MFAP1: variants seen among roughly 807,000 people sequenced by gnomAD.
MFAP1 encodes microfibril associated protein 1.
In MFAP1, 18 loss-of-function variants were observed where a neutral mutation model predicts 62.2. That is an observed-to-expected ratio of 0.29 (90% CI 0.20 to 0.43). MFAP1 has a LOEUF of 0.43. Among genes scored for constraint, MFAP1 ranks in the 20% least tolerant of loss-of-function variants. The pLI, the probability that MFAP1 is intolerant of heterozygous loss-of-function variation, is 1.00. For synonymous variants in MFAP1, 175 were observed against 180.4 expected (o/e 0.97, Z 0.24); for missense variants, 355 against 559.7 (o/e 0.63, Z 3.69).
In MFAP1 at chr15:43,814,497, T is replaced by G; in HGVS notation, c.617+4A>C. 6.2e-7 allele frequency: 1 copy of G among 1,603,906 alleles called. No homozygotes were observed. The highest frequency in any genetic ancestry group is 8.5e-7 in the Non-Finnish European group (1 of 1,174,004). On this transcript the variant is annotated splice_donor_region_variant and intron_variant, in intron 4 of 8. Coordinates refer to ENST00000267812, the MANE Select transcript of MFAP1 (RefSeq NM_005926.3). ...GATTCAGATCTGGCTTGTGAGATAC[T>G]TACTTTCGAATGAAGACTGGCTTAA...
At chr15:43,805,701 C>A (rs1273265031) in intron 7 of MFAP1, among the ~76,000 whole-genome samples, 1 of 151,922 alleles carries the variant, frequency 6.6e-6, no homozygotes, top group Non-Finnish European at 1.5e-5. Context: ...CAACCTCCGT[C>A]TCCCAGGTTC....
At position 43,815,054 on chromosome 15, in the gene MFAP1, A is replaced by G. The variant is rs775780433; in HGVS notation, c.320T>C (p.Ile107Thr). The G allele has an allele frequency of 6.2e-7, 1 of 1,614,006 alleles. No individual in the cohort carries two copies. Among genetic ancestry groups the G allele is most frequent in the Non-Finnish European group, 8.5e-7 (1 of 1,180,016 alleles). ...VEERLARHRK[I>T]VEPEVVGESD... ...CTCTCCTACCACTTCAGGTTCCACT[A>G]TTTTTCGATGTCGAGCCAATCTGAA... Residue 107 changes from isoleucine (I) to threonine (T), a missense_variant, in exon 3 of 9, where the codon ATA (isoleucine) becomes ACA (threonine). Coordinates refer to ENST00000267812, the MANE Select transcript of MFAP1 (RefSeq NM_005926.3).
At chr15:43,815,172 A>AT (rs2141709372) in intron 2 of MFAP1, 98 bp from the exon 3 acceptor site, 1 of 1,485,626 alleles carries the variant, frequency 6.7e-7, no homozygotes, top group Non-Finnish European at 9.1e-7. Context: ...GTTTGCCTTC[A>AT]TTAATACTGA....
At chr15:43,821,818 C>A (rs1265022830) in intron 1 of MFAP1, among the ~76,000 whole-genome samples, 2 of 151,798 alleles carry the variant, frequency 1.3e-5, no homozygotes, top group Non-Finnish European at 2.9e-5. Flanking sequence ...GATAGAAAAC[C>A]TTTACAATAT....
intron 1 of MFAP1, among the ~76,000 whole-genome samples, chr15:43,818,424 G>T (rs1164032613): frequency 6.6e-6 from 1 of 151,090 alleles, no homozygotes; most frequent in Non-Finnish European, 1.5e-5. Flanking sequence ...GAAAACTTTA[G>T]GTGGATTTCA....
At position 43,824,658 on chromosome 15, in the gene MFAP1, A is replaced by G; in HGVS notation, c.-89T>C. The stretch of plus-strand genomic sequence containing the variant: ...TCAACGAAGAGAAGAAATTCCTTCC[A>G]CCTGAGTCCGCGAACACAGCTGCGC... On this transcript the variant is annotated 5_prime_UTR_variant, in exon 1 of 9. Transcript: ENST00000267812. The G allele has an allele frequency of 7.3e-7, 1 of 1,372,058 alleles. No individual in the cohort carries two copies. The highest frequency in any genetic ancestry group is 1.0e-6 in the Non-Finnish European group (1 of 966,464). 85.0% of individuals were successfully genotyped at this position (1,372,058 alleles called of 1,614,324 possible).
rs763689659 is a variant in MFAP1, at chr15:43,813,281, T to C, written c.694A>G (p.Met232Val). 7.4e-6 allele frequency: 12 copies of C among 1,613,138 alleles called. No homozygotes were observed. The highest frequency in any genetic ancestry group is 2.2e-5 in the South Asian group (2 of 90,974). ...QKELEQEAKR[M>V]AEERRKYTLK... ...GTGTACTTGCGCCTTTCCTCAGCCA[T>C]GCGTTTTGCTTCCTGCTCCAGCTCC... is the stretch of plus-strand genomic sequence containing the variant. The change falls in exon 5 of 9, where the codon ATG becomes GTG. Residue 232 changes from methionine to valine, a missense_variant. This residue lies in a region of MFAP1 where 257 missense variants were observed against 341.3 expected (regional missense o/e 0.75). Coordinates refer to ENST00000267812, the MANE Select transcript of MFAP1 (RefSeq NM_005926.3).
chr15:43,812,986 C>T lies in MFAP1; in HGVS notation c.887+1G>A, dbSNP rs2087411201. On this transcript the variant is annotated splice_donor_variant, in intron 6 of 8. Coordinates refer to ENST00000267812, the MANE Select transcript of MFAP1 (RefSeq NM_005926.3). LOFTEE classifies it high-confidence loss of function. ...AACTCTAGGCTCATCTTTTTACTCA[C>T]GCTTCTCGATCTTCTCTGTCCCTCT... The T allele has an allele frequency of 2.5e-6, 4 of 1,613,878 alleles. No individual in the cohort carries two copies. Among genetic ancestry groups the T allele is most frequent in the Non-Finnish European group, 3.4e-6 (4 of 1,179,902 alleles).
chr15:43,810,810 G>A (rs1329573034), intron 6 of MFAP1, among the ~76,000 whole-genome samples: 1 of 151,984 alleles, frequency 6.6e-6, no homozygotes, highest in Non-Finnish European at 1.5e-5. Flanking sequence ...AGGCTGGAGT[G>A]CAGTGGCATG....
chr15:43,811,343 G>T (rs753285111), intron 6 of MFAP1, among the ~76,000 whole-genome samples: 11 of 149,768 alleles, frequency 7.3e-5, no homozygotes, highest in Admixed American at 6.0e-4. Flanking sequence ...TGACTCCCAG[G>T]GGGTGGAGGT....
In MFAP1 at chr15:43,813,345, C is replaced by T. The variant is rs574154397; in HGVS notation, c.630G>A (p.Val210=). The T allele has an allele frequency of 8.1e-6, 13 of 1,607,774 alleles. No homozygotes were observed. The African/African-American group carries it at 1.6e-4, about 20-fold the overall frequency. ...KPVFIRKKDR[V]TVQEREAEAL... is the part of the protein sequence containing the mutation. ...CTTCGGCTTCACGTTCTTGAACTGT[C>T]ACTCGGTCCTTCCTGCATCACAGAG... is the stretch of plus-strand genomic sequence containing the variant. The change falls in exon 5 of 9, where the codon GTG becomes GTA. Residue 210 remains valine (V), a synonymous_variant. Coordinates refer to ENST00000267812, the MANE Select transcript of MFAP1 (RefSeq NM_005926.3).
chr15:43,824,642 A>C lies in MFAP1; in HGVS notation c.-73T>G. 6.6e-7 allele frequency: 1 copy of C among 1,504,728 alleles called. No homozygotes were observed. Among genetic ancestry groups the C allele is most frequent in the South Asian group, 1.1e-5 (1 of 88,406 alleles). The allele number at this position is 1,504,728 out of a possible 1,614,324, so 93.2% of individuals were successfully genotyped here. On this transcript the variant is annotated 5_prime_UTR_variant, in exon 1 of 9. Transcript: ENST00000267812. The stretch of plus-strand genomic sequence containing the variant: ...GTGAACACCAGCAACGTCAACGAAG[A>C]GAAGAAATTCCTTCCACCTGAGTCC...
intron 7 of MFAP1, among the ~76,000 whole-genome samples, chr15:43,808,454 A>C (rs1184893101): frequency 6.6e-6 from 1 of 152,220 alleles, no homozygotes; most frequent in African/African-American, 2.4e-5. Flanking sequence ...CTTGCCTCCC[A>C]AAATGTTAAG....
chr15:43,822,143 T>A (rs539981972), intron 1 of MFAP1, among the ~76,000 whole-genome samples: 36 of 144,714 alleles, frequency 2.5e-4, no homozygotes, highest in African/African-American at 9.1e-4. Context: ...AGCTCTATGG[T>A]GAGCCGAGAT....
chr15:43,816,897 T>C lies in MFAP1; in HGVS notation c.299+332A>G, dbSNP rs1007553342. Among the ~76,000 whole-genome samples the C allele has an allele frequency of 3.9e-5, 6 of 152,346 alleles. 1 individual carries two copies. In the South Asian group the frequency reaches 1.2e-3, roughly 32 times the overall value. On this transcript the variant is annotated intron_variant, in intron 2 of 8. Transcript: ENST00000267812. Reference sequence around the variant, plus strand: ...TACCAAAGTTTATAAAACATCTTTGTGCTAAAAAGACTCCTCTCAACAGCC... The same window carrying C: ...TACCAAAGTTTATAAAACATCTTTGCGCTAAAAAGACTCCTCTCAACAGCC...
chr15:43,817,634 T>C (rs2087441407), intron 1 of MFAP1, among the ~76,000 whole-genome samples, 186 bp from the exon 2 acceptor site: 1 of 152,184 alleles, frequency 6.6e-6, no homozygotes, highest in African/African-American at 2.4e-5. Flanking sequence ...GTCATGAGAC[T>C]GCATCCTTGT....
chr15:43,822,946 C>G (rs2087475588), intron 1 of MFAP1, among the ~76,000 whole-genome samples: 1 of 151,902 alleles, frequency 6.6e-6, no homozygotes, highest in Non-Finnish European at 1.5e-5. Context: ...TCAAGTGATT[C>G]TCCTGCCTCA....
At chr15:43,815,172 A>G (rs2087426128) in intron 2 of MFAP1, 98 bp from the exon 3 acceptor site, 1 of 1,485,626 alleles carries the variant, frequency 6.7e-7, no homozygotes, top group Non-Finnish European at 9.1e-7. Context: ...GTTTGCCTTC[A>G]TTAATACTGA....
At position 43,805,480 on chromosome 15, in the gene MFAP1, T is replaced by A. The variant is rs1398197052; in HGVS notation, c.1048-15A>T. On this transcript the variant is annotated splice_polypyrimidine_tract_variant and intron_variant, in intron 7 of 8. Coordinates refer to ENST00000267812, the MANE Select transcript of MFAP1 (RefSeq NM_005926.3). ...TCATCCTCATCCTGTATAAAAAAAA[T>A]CTTATCAATCTTGTGGCTTTATTTC... 6.3e-7 allele frequency: 1 copy of A among 1,589,738 alleles called. No individual in the cohort carries two copies. The highest frequency in any genetic ancestry group is 8.5e-7 in the Non-Finnish European group (1 of 1,170,430).
Sources: gnomAD v4.1 joint callset for allele counts (sites outside exome capture counted in the v4.1 genomes callset) on GRCh38, gnomAD v4.1.1 for gene constraint, gnomAD v4.1.1 regional missense constraint, MANE v1.5 for transcripts, NCBI Gene and HGNC (gene_info 2026-07-23, HGNC 2026-07-21) for gene names.